Variants in RNF6 observed in about 807,000 individuals in gnomAD.
RNF6 encodes the protein ring finger protein 6.
A neutral mutation model predicts 50.1 loss-of-function variants in RNF6; 21 were observed. The observed-to-expected ratio is 0.42, with a 90% confidence interval of 0.30 to 0.60. The LOEUF (loss-of-function observed/expected upper bound fraction) is 0.60. RNF6 is among the 20% of genes least tolerant of loss of function. The pLI is 0.20. For missense variants in RNF6, 698 were observed against 838.2 expected (o/e 0.83, Z 2.07); for synonymous variants, 255 against 291.8 (o/e 0.87, Z 1.29).
At chr13:26,185,628 C>A (rs1281400421) in intron 5 of RNF6, among the ~76,000 whole-genome samples, 1 of 152,122 alleles carries the variant, frequency 6.6e-6, no homozygotes, top group Non-Finnish European at 1.5e-5. Flanking sequence ...CGCCTGTTAT[C>A]ACAGCTACTT....
intron 5 of RNF6, among the ~76,000 whole-genome samples, chr13:26,152,855 T>A (rs1328964280): frequency 6.6e-6 from 1 of 152,094 alleles, no homozygotes; most frequent in Non-Finnish European, 1.5e-5. Flanking sequence ...TTTAGGGCTT[T>A]TAAAAGATTA....
chr13:26,205,083 CA>C, intron 5 of RNF6, among the ~76,000 whole-genome samples: 1 of 152,184 alleles, frequency 6.6e-6, no homozygotes, highest in East Asian at 1.9e-4. Context: ...AAAGTCCTAC[CA>C]AGCCAGATAG....
chr13:26,194,420 G>T (rs1370108854), intron 5 of RNF6, among the ~76,000 whole-genome samples: 2 of 152,128 alleles, frequency 1.3e-5, no homozygotes, highest in Non-Finnish European at 2.9e-5. Context: ...CAGTCCAGAG[G>T]CATAGGCTCG....
intron 5 of RNF6, among the ~76,000 whole-genome samples, chr13:26,134,357 GC>G (rs1274382477): frequency 6.6e-6 from 1 of 152,238 alleles, no homozygotes; most frequent in African/African-American, 2.4e-5. Flanking sequence ...CTCGGCCTTT[GC>G]CGGCATGGGT....
At chr13:26,144,285 T>C (rs898095297) in intron 5 of RNF6, among the ~76,000 whole-genome samples, 4 of 152,166 alleles carry the variant, frequency 2.6e-5, no homozygotes, top group African/African-American at 9.7e-5. Context: ...AAAGGAAGAC[T>C]GATATCTACG....
chr13:26,165,771 T>C (rs1319731266), intron 5 of RNF6, among the ~76,000 whole-genome samples: 1 of 152,236 alleles, frequency 6.6e-6, no homozygotes, highest in Non-Finnish European at 1.5e-5. Flanking sequence ...GGAATGGCTG[T>C]ATATACCCAA....
At chr13:26,149,944 TATA>T (rs574079137) in intron 5 of RNF6, among the ~76,000 whole-genome samples, 2 of 97,130 alleles carry the variant, frequency 2.1e-5, no homozygotes, top group African/African-American at 7.8e-5. Context: ...ACAGTGTATA[TATA>T]ATGTGTATAT....
chr13:26,175,518 C>T (rs576471650), intron 5 of RNF6, among the ~76,000 whole-genome samples: 12 of 152,210 alleles, frequency 7.9e-5, no homozygotes, highest in Non-Finnish European at 1.8e-4. Context: ...AGCCTTAGTG[C>T]TCACCTGATT....
chr13:26,219,716 A>G, intron 2 of RNF6, 49 bp from the exon 3 acceptor site: 1 of 1,479,332 alleles, frequency 6.8e-7, no homozygotes, highest in East Asian at 2.3e-5. Context: ...CATGGACCAC[A>G]TTTGGCTTTG....
At chr13:26,194,195 G>A (rs1273016551) in intron 5 of RNF6, among the ~76,000 whole-genome samples, 1 of 152,196 alleles carries the variant, frequency 6.6e-6, no homozygotes, top group Non-Finnish European at 1.5e-5. Flanking sequence ...AGGTGCTAGA[G>A]AGTGTGAGCA....
At position 26,213,830 on chromosome 13, in the gene RNF6, A is replaced by G. The variant is rs1335026133; in HGVS notation, c.2052T>C (p.Asn684=). ...TTGAGTAGATCCCATCACCTTACCC[A>G]TTGTTTGCTATGTTAGACCCTAAAA... ...QPVLGSNIAN[N]G is the part of the protein sequence containing the mutation. Residue 684 remains asparagine, a synonymous_variant, in exon 5 of 5, where the codon AAT becomes AAC. Coordinates refer to ENST00000381588, the MANE Select transcript of RNF6 (RefSeq NM_005977.4). 2 of 1,602,800 alleles carry G rather than the reference A, an allele frequency of 1.2e-6. No homozygotes were observed. The highest frequency in any genetic ancestry group is 1.7e-6 in the Non-Finnish European group (2 of 1,172,892).
chr13:26,202,809 G>A (rs1868946081), intron 5 of RNF6, among the ~76,000 whole-genome samples: 1 of 152,176 alleles, frequency 6.6e-6, no homozygotes, highest in Non-Finnish European at 1.5e-5. Flanking sequence ...AACAAACCAT[G>A]AACAAAAGTA....
At chr13:26,148,526 A>T (rs530051503) in intron 5 of RNF6, among the ~76,000 whole-genome samples, 2 of 150,282 alleles carry the variant, frequency 1.3e-5, no homozygotes, top group East Asian at 3.9e-4. Context: ...AGAATCAGTC[A>T]AAATAACCCA....
chr13:26,191,159 G>A (rs549557174), intron 5 of RNF6, among the ~76,000 whole-genome samples: 12 of 151,376 alleles, frequency 7.9e-5, no homozygotes, highest in African/African-American at 2.4e-4. Context: ...TGGTTTAATC[G>A]ATTGTTCAAT....
Position 26,214,909 on chromosome 13 carries a change from T to TA in RNF6, c.972dup (p.Asn325Ter). On this transcript the variant is annotated frameshift_variant, in exon 5 of 5. Transcript: ENST00000381588. LOFTEE classifies it high-confidence loss of function. ...ACTGGTCTACTTTCCCTTTGGGAAT[T>TA]ATGATAAACAGTGCCACTCTGTCTC... 1 of 1,614,244 alleles carries TA rather than the reference T, an allele frequency of 6.2e-7. No homozygotes were observed. Among genetic ancestry groups the TA allele is most frequent in the South Asian group, 1.1e-5 (1 of 91,084 alleles).
intron 5 of RNF6, among the ~76,000 whole-genome samples, chr13:26,178,776 A>G (rs1215194930): frequency 6.6e-6 from 1 of 152,038 alleles, no homozygotes; most frequent in Non-Finnish European, 1.5e-5. Flanking sequence ...CCCTTGACCA[A>G]TATCTCCCCA....
intron 5 of RNF6, among the ~76,000 whole-genome samples, chr13:26,140,918 T>C (rs1870908099): frequency 6.6e-6 from 1 of 151,988 alleles, no homozygotes; most frequent in Non-Finnish European, 1.5e-5. Context: ...GAAATACATC[T>C]AAGGAGGTGA....
chr13:26,142,736 A>T (rs181738222), intron 5 of RNF6, among the ~76,000 whole-genome samples: 1 of 152,260 alleles, frequency 6.6e-6, no homozygotes, highest in African/African-American at 2.4e-5. Context: ...GGAGGGATGG[A>T]TGGGGGAAAG....
At chr13:26,144,837 C>A (rs1391672688) in intron 5 of RNF6, 2 of 152,172 alleles carry the variant, frequency 1.3e-5, no homozygotes, top group South Asian at 2.1e-4. Flanking sequence ...CATGTAATTT[C>A]TTTGTGCTTC....
Sources: allele counts gnomAD v4.1 joint callset (sites outside exome capture counted in the v4.1 genomes callset), GRCh38; gene constraint gnomAD v4.1.1; transcripts MANE v1.5; gene names NCBI Gene and HGNC (gene_info 2026-07-23, HGNC 2026-07-21).